Variants in DIAPH2 observed in about 807,000 individuals in gnomAD.
DIAPH2 encodes the protein protein diaphanous homolog 2.
Under a neutral mutation model 92.7 loss-of-function variants are expected in DIAPH2, and 35 were observed. That is an observed-to-expected ratio of 0.38 (90% CI 0.29 to 0.50). DIAPH2 has a LOEUF of 0.50. DIAPH2 is among the 20% of genes least tolerant of loss of function. DIAPH2 has a pLI of 0.94. For synonymous variants in DIAPH2, 301 were observed against 280.4 expected (o/e 1.07, Z -0.73); for missense variants, 701 against 819.5 (o/e 0.86, Z 1.77).
chrX:97,587,730 G>A (rs180994088), intron 26 of DIAPH2, among the ~76,000 whole-genome samples: 2 of 111,956 alleles, frequency 1.8e-5, no homozygotes, highest in Admixed American at 1.9e-4. Context: ...TAATATGATC[G>A]TGATGCTAAA....
chrX:97,541,682 C>G (rs192433604), intron 26 of DIAPH2, among the ~76,000 whole-genome samples: 1,349 of 112,069 alleles, frequency 0.012, 13 homozygotes, highest in Non-Finnish European at 0.02. Flanking sequence ...TGATTGTTCT[C>G]TTTTCCTGTG....
intron 17 of DIAPH2, among the ~76,000 whole-genome samples, chrX:96,971,287 C>T (rs1370028686): frequency 1.8e-5 from 2 of 111,805 alleles, no homozygotes; most frequent in Non-Finnish European, 3.8e-5. Context: ...CTTGTAACCT[C>T]GGAGACTGAA....
At chrX:97,079,836 T>C (rs1392129663) in intron 19 of DIAPH2, among the ~76,000 whole-genome samples, 1 of 111,289 alleles carries the variant, frequency 9.0e-6, no homozygotes, top group African/African-American at 3.3e-5. Flanking sequence ...ACAAGAGGCT[T>C]TTAAGGAGTG....
At chrX:96,975,867 T>C (rs2065956892) in intron 17 of DIAPH2, among the ~76,000 whole-genome samples, 1 of 111,389 alleles carries the variant, frequency 9.0e-6, no homozygotes, top group Non-Finnish European at 1.9e-5. Flanking sequence ...CATAATCACT[T>C]CTCATAGGCC....
intron 22 of DIAPH2, among the ~76,000 whole-genome samples, chrX:97,151,790 G>A (rs778193650): frequency 1.8e-5 from 2 of 111,646 alleles, no homozygotes; most frequent in African/African-American, 3.2e-5. Context: ...ATTTAAGCTT[G>A]TTAGTTAAAA....
At chrX:97,125,916 C>T (rs2067091162) in intron 21 of DIAPH2, among the ~76,000 whole-genome samples, 1 of 111,381 alleles carries the variant, frequency 9.0e-6, no homozygotes, top group Non-Finnish European at 1.9e-5. Context: ...ATATCAGGAG[C>T]AGCAATAAGC....
Position 96,810,772 on chromosome X carries a change from G to A in DIAPH2, c.447+52514G>A, listed in dbSNP as rs781698997. On this transcript the variant is annotated intron_variant, in intron 4 of 26. Coordinates refer to ENST00000324765, the MANE Select transcript of DIAPH2 (RefSeq NM_006729.5). ...TTTTCCCAGCACCATTTATTAAATA[G>A]GGAATCCTTTCCCCATTTCTTGTTT... Among the ~76,000 whole-genome samples, 5 of 111,794 alleles carry A rather than the reference G, an allele frequency of 4.5e-5. No homozygotes were observed. In the South Asian group the frequency reaches 1.5e-3, roughly 34 times the overall value.
intron 3 of DIAPH2, among the ~76,000 whole-genome samples, chrX:96,746,874 G>A (rs1428226936): frequency 3.6e-5 from 4 of 111,425 alleles, no homozygotes; most frequent in Admixed American, 1.9e-4. Context: ...GAACTAAAGC[G>A]GTTCATATTC....
intron 17 of DIAPH2, among the ~76,000 whole-genome samples, chrX:97,022,344 A>T (rs974982784): frequency 8.9e-6 from 1 of 111,867 alleles, no homozygotes; most frequent in Non-Finnish European, 1.9e-5. Context: ...CAACCTGACC[A>T]CCTTTGTTTG....
At chrX:96,724,955 T>G (rs1248155332) in intron 1 of DIAPH2, among the ~76,000 whole-genome samples, 3 of 111,492 alleles carry the variant, frequency 2.7e-5, no homozygotes, top group Non-Finnish European at 5.6e-5. Flanking sequence ...GATTAATACT[T>G]AAGAGGCTTC....
chrX:97,517,798 C>A (rs2070960779), intron 26 of DIAPH2, among the ~76,000 whole-genome samples: 1 of 111,827 alleles, frequency 8.9e-6, no homozygotes, highest in Non-Finnish European at 1.9e-5. Flanking sequence ...ACCCTACAGG[C>A]AAAAATGCAA....
intron 3 of DIAPH2, among the ~76,000 whole-genome samples, chrX:96,752,154 G>A (rs2064198627): frequency 9.0e-6 from 1 of 111,237 alleles, no homozygotes; most frequent in Admixed American, 9.6e-5. Context: ...CTTTATTATT[G>A]TATTATGGAT....
chrX:96,967,318 T>A (rs2147827311), intron 17 of DIAPH2, among the ~76,000 whole-genome samples: 1 of 112,128 alleles, frequency 8.9e-6, no homozygotes, highest in South Asian at 3.8e-4. Context: ...CTGCATTAAT[T>A]TGCTTAGGAT....
intron 25 of DIAPH2, among the ~76,000 whole-genome samples, chrX:97,409,287 C>G (rs1359124907): frequency 1.8e-5 from 2 of 111,711 alleles, no homozygotes; most frequent in African/African-American, 6.5e-5. Flanking sequence ...TTAAATAAGT[C>G]TTAGACATGC....
At chrX:97,066,977 T>C (rs565809668) in intron 17 of DIAPH2, among the ~76,000 whole-genome samples, 1 of 111,793 alleles carries the variant, frequency 8.9e-6, no homozygotes, top group East Asian at 2.8e-4. Flanking sequence ...GCCATTCCTA[T>C]TGCTTCAGGT....
intron 21 of DIAPH2, among the ~76,000 whole-genome samples, chrX:97,125,471 CAAAAAAAAAAA>C (rs1159049051): frequency 0.21 from 4,033 of 19,241 alleles, 283 homozygotes; most frequent in Admixed American, 0.44. Flanking sequence ...GACTCCGTCT[CAAAAAAAAAAA>C]AAAAAAAAAA....
At chrX:96,812,037 A>G (rs895107638) in intron 4 of DIAPH2, among the ~76,000 whole-genome samples, 2 of 111,667 alleles carry the variant, frequency 1.8e-5, no homozygotes, top group African/African-American at 6.5e-5. Flanking sequence ...GGCGTCATAA[A>G]ATGAGTTAGG....
chrX:97,448,412 C>G (rs994610381), intron 26 of DIAPH2, among the ~76,000 whole-genome samples: 5 of 111,885 alleles, frequency 4.5e-5, no homozygotes, highest in African/African-American at 1.6e-4. Context: ...TTTTCCCACA[C>G]TTATGACTCT....
chrX:97,559,661 C>T (rs754015789), intron 26 of DIAPH2, among the ~76,000 whole-genome samples: 5 of 111,796 alleles, frequency 4.5e-5, no homozygotes, highest in South Asian at 3.8e-4. Flanking sequence ...TCTACGTACA[C>T]GGTAGACATG....
Sources: allele counts gnomAD v4.1 joint callset (sites outside exome capture counted in the v4.1 genomes callset), GRCh38; gene constraint gnomAD v4.1.1; transcripts MANE v1.5; gene names NCBI Gene and HGNC (gene_info 2026-07-23, HGNC 2026-07-21).